PITPNM3: variants seen among roughly 807,000 people sequenced by gnomAD.
PITPNM3 encodes the protein PITPNM family member 3, also known as membrane-associated phosphatidylinositol transfer protein 3.
PITPNM3 carries 26 observed loss-of-function variants against 102.0 expected under a neutral mutation model. The ratio of observed to expected loss-of-function variants is 0.25; its 90% CI spans 0.19 to 0.35. PITPNM3 has a LOEUF of 0.35. PITPNM3 is among the 10% of genes least tolerant of loss of function. The probability of loss-of-function intolerance (pLI) is 1.00; values close to 1 mark genes in which losing one functional copy is unlikely to be tolerated. For synonymous variants in PITPNM3, 578 were observed against 558.6 expected (o/e 1.03, Z -0.49); for missense variants, 1,083 against 1,346.1 (o/e 0.80, Z 3.06).
At chr17:6,474,662 A>G (rs1429392664) in intron 9 of PITPNM3, 58 bp from the exon 10 acceptor site, 1 of 1,520,950 alleles carries the variant, frequency 6.6e-7, no homozygotes. Flanking sequence ...AGAATGCGGG[A>G]GTGTTCACAC....
chr17:6,479,393 TCC>T (rs1205900931), intron 6 of PITPNM3: 1 of 152,498 alleles, frequency 6.6e-6, no homozygotes, highest in African/African-American at 2.4e-5. Flanking sequence ...CACCCTCAAC[TCC>T]CTACCTTCCC....
chr17:6,523,544 G>A (rs1908658679), intron 3 of PITPNM3, among the ~76,000 whole-genome samples: 3 of 152,176 alleles, frequency 2.0e-5, no homozygotes, highest in Non-Finnish European at 4.4e-5. Context: ...GCTCTCACTG[G>A]GTCTGAGTCA....
rs1199378723 is a variant in PITPNM3, at chr17:6,463,696, C to G, written c.2306+36G>C. The G allele has an allele frequency of 3.7e-6, 6 of 1,606,510 alleles. No homozygotes were observed. In the African/African-American group the frequency reaches 8.0e-5, roughly 22 times the overall value. On this transcript the variant is annotated intron_variant, in intron 17 of 19. Transcript: ENST00000262483. ...CCCAGGGCTGCTGGCTCCTGCCCCC[C>G]AGGGAGATATAGCCCTCGTGGAAGG...
At chr17:6,489,080 T>A (rs940058663) in intron 4 of PITPNM3, among the ~76,000 whole-genome samples, 1 of 152,158 alleles carries the variant, frequency 6.6e-6, no homozygotes. Context: ...AATCACAGCC[T>A]TGGAGAGGTA....
At chr17:6,509,951 G>A (rs1188437879) in intron 3 of PITPNM3, among the ~76,000 whole-genome samples, 1 of 151,742 alleles carries the variant, frequency 6.6e-6, no homozygotes, top group Non-Finnish European at 1.5e-5. Context: ...TCTTTTCCAA[G>A]ACCTCCCACC....
Position 6,556,291 on chromosome 17 carries a change from G to T in PITPNM3, c.22+94C>A. On this transcript the variant is annotated intron_variant, in intron 1 of 19. Coordinates refer to ENST00000262483, the MANE Select transcript of PITPNM3 (RefSeq NM_031220.4). The surrounding 1 kb of genome is among the most constrained non-coding windows in gnomAD (Gnocchi z 5.2). ...GCCCTCCCGGGACCTCCGCCCACCT[G>T]CGCGAGGGGTTCACCTGGGCCGGCG... The T allele has an allele frequency of 8.7e-7, 1 of 1,153,090 alleles. No homozygotes were observed. The highest frequency in any genetic ancestry group is 1.2e-6 in the Non-Finnish European group (1 of 866,018). 71.4% of individuals were successfully genotyped at this position (1,153,090 alleles called of 1,614,324 possible). A position where few individuals can be genotyped will look rare whatever the true frequency, so the allele number is the denominator to read the frequency against.
At chr17:6,526,256 C>T (rs1388881736) in intron 2 of PITPNM3, among the ~76,000 whole-genome samples, 1 of 152,174 alleles carries the variant, frequency 6.6e-6, no homozygotes, top group Non-Finnish European at 1.5e-5. Flanking sequence ...GAATACAAGG[C>T]CCTGGGTCCC....
Position 6,468,778 on chromosome 17 carries a change from T to C in PITPNM3, c.1774-437A>G, listed in dbSNP as rs1904913342. Among the ~76,000 whole-genome samples the C allele has an allele frequency of 6.6e-6, 1 of 152,120 alleles. No individual in the cohort carries two copies. Among genetic ancestry groups the C allele is most frequent in the Non-Finnish European group, 1.5e-5 (1 of 68,020 alleles). ...CTCCGCTAGATCACTCTCCTTAGCA[T>C]TCAAATACGTGTAATACTGCCCATC... On this transcript the variant is annotated intron_variant, in intron 13 of 19. Transcript: ENST00000262483. This position sits in a 1 kb window ranked among gnomAD's most constrained non-coding sequence, Gnocchi z 5.2.
chr17:6,519,389 G>A (rs1243843895), intron 3 of PITPNM3, among the ~76,000 whole-genome samples: 1 of 150,468 alleles, frequency 6.6e-6, no homozygotes, highest in Non-Finnish European at 1.5e-5. Context: ...GCGTGGTGGC[G>A]GGCAGCTGTA....
At chr17:6,488,759 G>C (rs907241642) in intron 4 of PITPNM3, among the ~76,000 whole-genome samples, 1 of 152,174 alleles carries the variant, frequency 6.6e-6, no homozygotes, top group African/African-American at 2.4e-5. Context: ...GCAGCTGGCA[G>C]GGGGTCCTAA....
intron 1 of PITPNM3, among the ~76,000 whole-genome samples, chr17:6,542,969 G>A (rs1909809971): frequency 6.6e-6 from 1 of 152,182 alleles, no homozygotes. Flanking sequence ...CAAGCGATCT[G>A]CTCACCTCAG....
At chr17:6,509,884 C>A (rs2309593) in intron 3 of PITPNM3, among the ~76,000 whole-genome samples, 1 of 152,026 alleles carries the variant, frequency 6.6e-6, no homozygotes, top group South Asian at 2.1e-4. Context: ...CCAAGAAGGC[C>A]CCTAACTCCT....
In PITPNM3 at chr17:6,543,718, C is replaced by T. The variant is rs572497154; in HGVS notation, c.23-5636G>A. ...AGCACAGGAGGAACAGAGGAGCAGACGTCCTGGCCCGTGTGAAATTCCACA... is the reference window on the plus strand; with the variant it reads ...AGCACAGGAGGAACAGAGGAGCAGATGTCCTGGCCCGTGTGAAATTCCACA... On this transcript the variant is annotated intron_variant, in intron 1 of 19. Coordinates refer to ENST00000262483, the MANE Select transcript of PITPNM3 (RefSeq NM_031220.4). 4.6e-5 allele frequency among the ~76,000 whole-genome samples: 7 copies of T among 152,294 alleles called. No homozygotes were observed. The East Asian group carries it at 5.8e-4, about 13-fold the overall frequency.
chr17:6,556,500 G>GCCGCGC lies in PITPNM3; in HGVS notation c.-100_-95dup, dbSNP rs972903245. 7 of 855,240 alleles carry GCCGCGC rather than the reference G, an allele frequency of 8.2e-6. No homozygotes were observed. The highest frequency in any genetic ancestry group is 5.5e-5 in the African/African-American group (3 of 54,236). 53.0% of individuals were successfully genotyped at this position (855,240 alleles called of 1,614,324 possible). On this transcript the variant is annotated 5_prime_UTR_variant, in exon 1 of 20. Coordinates refer to ENST00000262483, the MANE Select transcript of PITPNM3 (RefSeq NM_031220.4). The surrounding 1 kb of genome is among the most constrained non-coding windows in gnomAD (Gnocchi z 5.2). ...CTCCGGCCCCGAACGGACTCCGAGCGCCGCGCCCGCGCCCCCGCCCCGCTC... is the reference window on the plus strand; with the variant it reads ...CTCCGGCCCCGAACGGACTCCGAGCGCCGCGCCCGCGCCCGCGCCCCCGCCCCGCTC...
intron 1 of PITPNM3, among the ~76,000 whole-genome samples, chr17:6,553,364 T>C (rs946456358): frequency 2.0e-5 from 3 of 152,082 alleles, no homozygotes; most frequent in Non-Finnish European, 2.9e-5. Flanking sequence ...TGAAGATCTA[T>C]CTCATCCTCT....
chr17:6,507,868 T>C (rs767321304), intron 3 of PITPNM3, among the ~76,000 whole-genome samples: 36 of 152,122 alleles, frequency 2.4e-4, no homozygotes, highest in Non-Finnish European at 4.7e-4. Flanking sequence ...GACCATCCAA[T>C]ACTTTCATTA....
intron 4 of PITPNM3, among the ~76,000 whole-genome samples, chr17:6,495,479 T>C (rs936312663): frequency 1.3e-5 from 2 of 152,148 alleles, no homozygotes; most frequent in African/African-American, 4.8e-5. Context: ...GAGTCTTCTA[T>C]ACGGGTCCCT....
chr17:6,474,741 A>C, intron 9 of PITPNM3, 137 bp from the exon 10 acceptor site: 8 of 1,058,554 alleles, frequency 7.6e-6, no homozygotes, highest in Non-Finnish European at 1.1e-5. Context: ...CTGAGAGTCC[A>C]CCGGCTGCAC....
chr17:6,544,771 A>G (rs1201386485), intron 1 of PITPNM3, among the ~76,000 whole-genome samples: 1 of 151,936 alleles, frequency 6.6e-6, no homozygotes, highest in Non-Finnish European at 1.5e-5. Context: ...GAAAATAATC[A>G]GGCCTTGGGA....
Sources: allele counts gnomAD v4.1 joint callset (sites outside exome capture counted in the v4.1 genomes callset), GRCh38; gene constraint gnomAD v4.1.1; non-coding constraint Gnocchi (gnomAD v3.1); transcripts MANE v1.5; gene names NCBI Gene and HGNC (gene_info 2026-07-23, HGNC 2026-07-21).